Variants in FRMPD4 observed in about 807,000 individuals in gnomAD.
FRMPD4 encodes FERM and PDZ domain-containing protein 4.
Under a neutral mutation model 94.1 loss-of-function variants are expected in FRMPD4, and 22 were observed. The ratio of observed to expected loss-of-function variants is 0.23; its 90% CI spans 0.17 to 0.33. FRMPD4 has a LOEUF of 0.33. Among genes scored for constraint, FRMPD4 ranks in the 10% least tolerant of loss-of-function variants. The probability of loss-of-function intolerance (pLI) is 1.00; values close to 1 mark genes in which losing one functional copy is unlikely to be tolerated. For missense variants in FRMPD4, 1,111 were observed against 1,339.9 expected, an observed-to-expected ratio of 0.83 and a Z score of 2.67; for synonymous variants, 631 against 548.6, an observed-to-expected ratio of 1.15 and a Z score of -2.10.
intron 3 of FRMPD4, among the ~76,000 whole-genome samples, chrX:12,025,777 A>G (rs1010397551): frequency 2.7e-5 from 3 of 111,622 alleles, no homozygotes; most frequent in Non-Finnish European, 3.8e-5. Context: ...GACTCTGCCA[A>G]TGACTACAGG....
Position 12,392,513 on chromosome X carries a change from C to T in FRMPD4, c.42-106167C>T, listed in dbSNP as rs764220089. The stretch of plus-strand genomic sequence containing the variant: ...AAAAACAATACAAAAATTAGCCCGG[C>T]GTGGCGGTGCTTGCCTGTAGTCCGG... On this transcript the variant is annotated intron_variant, in intron 1 of 16. Coordinates refer to ENST00000675598, the MANE Select transcript of FRMPD4 (RefSeq NM_001368397.1). 6.8e-3 allele frequency among the ~76,000 whole-genome samples: 741 copies of T among 108,588 alleles called. 5 individuals carry two copies. Among genetic ancestry groups the T allele is most frequent in the African/African-American group, 0.024 (709 of 29,958 alleles). 94.3% of individuals were successfully genotyped at this position (108,588 alleles called of 115,157 possible).
intron 1 of FRMPD4, among the ~76,000 whole-genome samples, chrX:12,382,049 T>C (rs189054885): frequency 9.0e-6 from 1 of 110,997 alleles, no homozygotes; most frequent in Admixed American, 9.6e-5. Flanking sequence ...ACACAGGTGC[T>C]GAGAGTCAGG....
intron 2 of FRMPD4, among the ~76,000 whole-genome samples, chrX:12,541,024 A>C (rs1231150066): frequency 8.9e-6 from 1 of 112,063 alleles, no homozygotes; most frequent in Admixed American, 9.5e-5. Flanking sequence ...AGAAATAAAG[A>C]TGTTCTTTGA....
chrX:12,017,507 A>G (rs2054610294), intron 3 of FRMPD4, among the ~76,000 whole-genome samples: 1 of 112,315 alleles, frequency 8.9e-6, no homozygotes, highest in African/African-American at 3.2e-5. Context: ...GACATCAAAC[A>G]CAGCCCTTCA....
intron 2 of FRMPD4, among the ~76,000 whole-genome samples, chrX:12,513,890 C>A (rs1311245488): frequency 1.8e-5 from 2 of 111,798 alleles, no homozygotes; most frequent in Non-Finnish European, 3.8e-5. Flanking sequence ...TCTCTGATTT[C>A]TTTGAGCAGT....
chrX:12,413,630 G>A (rs2056762872), intron 1 of FRMPD4, among the ~76,000 whole-genome samples: 1 of 112,102 alleles, frequency 8.9e-6, no homozygotes, highest in South Asian at 3.7e-4. Context: ...ATGGAGAACA[G>A]CTGGCCCAGT....
chrX:12,043,558 C>T (rs2054769265), intron 3 of FRMPD4, among the ~76,000 whole-genome samples: 1 of 111,403 alleles, frequency 9.0e-6, no homozygotes, highest in South Asian at 3.8e-4. Flanking sequence ...GGTGTTCTCT[C>T]ATCCAGTGGT....
intron 3 of FRMPD4, among the ~76,000 whole-genome samples, chrX:11,910,451 A>G (rs1187026450): frequency 1.8e-5 from 2 of 111,715 alleles, no homozygotes; most frequent in East Asian, 5.6e-4. Flanking sequence ...ACAGAGTCTC[A>G]CTCTGTTGCC....
chrX:11,964,138 G>A (rs1473439782), intron 3 of FRMPD4, among the ~76,000 whole-genome samples: 1 of 108,149 alleles, frequency 9.2e-6, no homozygotes, highest in African/African-American at 3.4e-5. Flanking sequence ...TCTGGGATTG[G>A]GATTCAGTGC....
intron 4 of FRMPD4, among the ~76,000 whole-genome samples, chrX:12,652,931 G>A (rs2059610735): frequency 8.9e-6 from 1 of 111,785 alleles, no homozygotes; most frequent in Non-Finnish European, 1.9e-5. Flanking sequence ...CTAAAGTCAG[G>A]CAAGTAAACT....
chrX:12,182,092 T>C (rs982430326), intron 1 of FRMPD4, among the ~76,000 whole-genome samples: 5 of 111,614 alleles, frequency 4.5e-5, no homozygotes, highest in African/African-American at 1.6e-4. Context: ...TCAGCTCTAC[T>C]GAAACCATAA....
upstream of FRMPD4, among the ~76,000 whole-genome samples, chrX:12,137,132 C>A (rs1021571915): frequency 8.9e-6 from 1 of 111,809 alleles, no homozygotes; most frequent in South Asian, 3.8e-4. Flanking sequence ...AGGTCCCTCT[C>A]GCCCCTTCCG....
intron 3 of FRMPD4, among the ~76,000 whole-genome samples, chrX:12,125,749 T>C (rs2055494440): frequency 8.9e-6 from 1 of 112,120 alleles, no homozygotes; most frequent in Admixed American, 9.4e-5. Flanking sequence ...ACAGTGATAG[T>C]CCCTCATAAC....
intron 3 of FRMPD4, among the ~76,000 whole-genome samples, chrX:11,899,579 T>A (rs2053922904): frequency 9.0e-6 from 1 of 111,656 alleles, no homozygotes; most frequent in Admixed American, 9.5e-5. Context: ...CCAATAATAT[T>A]TTCATTTTTA....
chrX:11,917,041 T>C (rs1024101782), intron 3 of FRMPD4, among the ~76,000 whole-genome samples: 2 of 111,802 alleles, frequency 1.8e-5, no homozygotes, highest in African/African-American at 6.5e-5. Context: ...TCCTACCTCT[T>C]CCTGCTCAAA....
At chrX:12,396,331 T>TAA (rs34382971) in intron 1 of FRMPD4, among the ~76,000 whole-genome samples, 1 of 110,019 alleles carries the variant, frequency 9.1e-6, no homozygotes, top group Non-Finnish European at 1.9e-5. Context: ...TTTGGAGATT[T>TAA]AAAAAAAAAT....
intron 3 of FRMPD4, among the ~76,000 whole-genome samples, chrX:11,988,109 C>A (rs1293263655): frequency 9.0e-6 from 1 of 111,577 alleles, no homozygotes; most frequent in Admixed American, 9.5e-5. Context: ...CATGAAACCA[C>A]AAAAGACCCA....
At chrX:12,566,822 T>C (rs1192708908) in intron 2 of FRMPD4, among the ~76,000 whole-genome samples, 1 of 110,945 alleles carries the variant, frequency 9.0e-6, no homozygotes, top group African/African-American at 3.3e-5. Context: ...TTTTTGGGGG[T>C]CATTTAGAAA....
intron 1 of FRMPD4, among the ~76,000 whole-genome samples, chrX:12,460,511 G>A (rs963019780): frequency 9.0e-6 from 1 of 111,466 alleles, no homozygotes; most frequent in Non-Finnish European, 1.9e-5. Flanking sequence ...TATGTCTTTT[G>A]CCCATTGAAT....
Sources: allele counts gnomAD v4.1 joint callset (sites outside exome capture counted in the v4.1 genomes callset), GRCh38; gene constraint gnomAD v4.1.1; transcripts MANE v1.5; gene names NCBI Gene and HGNC (gene_info 2026-07-23, HGNC 2026-07-21).